ELOF1: variants seen among roughly 807,000 people sequenced by gnomAD.
ELOF1 encodes the protein elongation factor 1.
In ELOF1, 4 loss-of-function variants were observed where a neutral mutation model predicts 7.1. The ratio of observed to expected loss-of-function variants is 0.56; its 90% CI spans 0.28 to 1.29. The LOEUF (loss-of-function observed/expected upper bound fraction) is 1.29. Ranked by LOEUF, ELOF1 falls within the 50% of genes most tolerant of loss-of-function variation. The probability of loss-of-function intolerance (pLI) is 0.10; values close to 1 mark genes in which losing one functional copy is unlikely to be tolerated. For synonymous variants in ELOF1, 31 were observed against 31.9 expected, an observed-to-expected ratio of 0.97 and a Z score of 0.09; for missense variants, 59 against 86.3, an observed-to-expected ratio of 0.68 and a Z score of 1.25.
chr19:11,558,359 T>G (rs1392524028), intron 1 of ELOF1, among the ~76,000 whole-genome samples: 1 of 151,502 alleles, frequency 6.6e-6, no homozygotes, highest in East Asian at 2.0e-4. Flanking sequence ...CAAGAGATAC[T>G]CCCGCCTCGG....
chr19:11,556,423 C>T (rs1972835096), intron 1 of ELOF1, among the ~76,000 whole-genome samples: 1 of 151,424 alleles, frequency 6.6e-6, no homozygotes. Context: ...CCTCAGCCTC[C>T]CGAGTAGCTG....
chr19:11,553,995 A>G lies in ELOF1; in HGVS notation c.187+16T>C. On this transcript the variant is annotated intron_variant, in intron 3 of 3. Coordinates refer to ENST00000586683, the Ensembl canonical transcript of ELOF1. The stretch of plus-strand genomic sequence containing the variant: ...CCTCCCCACCCTCTGGAAAAAGCCC[A>G]GGTTTCCAAGGATACACGTTATGGG... The G allele has an allele frequency of 6.2e-7, 1 of 1,614,186 alleles. No homozygotes were observed. The highest frequency in any genetic ancestry group is 1.1e-5 in the South Asian group (1 of 91,092).
At position 11,554,403 on chromosome 19, in the gene ELOF1, C is replaced by T. The variant is rs780997765; in HGVS notation, c.-18-38G>A. On this transcript the variant is annotated intron_variant, in intron 1 of 3. Transcript: ENST00000586683. Reference sequence around the variant, plus strand: ...GCAGATGTCAGTGGTTTGAGGAAACCACGCAGCGCCCCAGCTCAATGCTCT... The same window carrying T: ...GCAGATGTCAGTGGTTTGAGGAAACTACGCAGCGCCCCAGCTCAATGCTCT... 4 of 1,597,674 alleles carry T rather than the reference C, an allele frequency of 2.5e-6. No homozygotes were observed. In the South Asian group the frequency reaches 4.5e-5, roughly 18 times the overall value.
At position 11,554,071 on chromosome 19, in the gene ELOF1, G is replaced by A. The variant is rs768454338; in HGVS notation, c.127C>T (p.Arg43Cys). The change falls in exon 3 of 4, where the codon CGC becomes TGC. Residue 43 changes from arginine (R) to cysteine (C), a missense_variant. Physicochemically the swap from Arg to Cys is radical, Grantham distance 180. Coordinates refer to ENST00000586683, the Ensembl canonical transcript of ELOF1. ...GTACAAGAGATGACTCCGGTGTTGC[G>A]GGCACGGTCCCTGAAACAGACCAAG... The A allele has an allele frequency of 1.7e-5, 27 of 1,614,064 alleles. No individual in the cohort carries two copies. In the Middle Eastern group the frequency reaches 4.9e-4, roughly 29 times the overall value.
At chr19:11,556,615 A>G (rs1599620642) in intron 1 of ELOF1, among the ~76,000 whole-genome samples, 1 of 152,132 alleles carries the variant, frequency 6.6e-6, no homozygotes, top group East Asian at 1.9e-4. Flanking sequence ...CCCAACTCTT[A>G]ACTGTGATGC....
intron 1 of ELOF1, chr19:11,555,191 A>T: frequency 4.1e-6 from 1 of 241,678 alleles, no homozygotes; most frequent in Non-Finnish European, 8.7e-6. Context: ...CAAGAGGCGG[A>T]GACTGCAGTG....
chr19:11,554,489 G>C (rs1055103749), intron 1 of ELOF1, 124 bp from the exon 2 acceptor site: 183 of 1,362,354 alleles, frequency 1.3e-4, no homozygotes, highest in Non-Finnish European at 1.7e-4. Flanking sequence ...CTCTGCCCTT[G>C]AGGGACGAGG....
chr19:11,554,010 C>T lies in ELOF1; in HGVS notation c.187+1G>A. ...GAAAAAGCCCAGGTTTCCAAGGATACACGTTATGGGCGTCTGGAATTCCTC... is the reference window on the plus strand; with the variant it reads ...GAAAAAGCCCAGGTTTCCAAGGATATACGTTATGGGCGTCTGGAATTCCTC... On this transcript the variant is annotated splice_donor_variant, in intron 3 of 3. Transcript: ENST00000586683. LOFTEE classifies it high-confidence loss of function. 1 of 1,614,196 alleles carries T rather than the reference C, an allele frequency of 6.2e-7. No homozygotes were observed. The highest frequency in any genetic ancestry group is 1.1e-5 in the South Asian group (1 of 91,084).
intron 3 of ELOF1, chr19:11,553,755 G>A: frequency 6.2e-7 from 1 of 1,614,208 alleles, no homozygotes; most frequent in African/African-American, 1.3e-5. Context: ...GCTACTGATT[G>A]GCCGCCTCGC....
intron 1 of ELOF1, among the ~76,000 whole-genome samples, chr19:11,556,035 G>C (rs974594170): frequency 6.6e-6 from 1 of 152,108 alleles, no homozygotes; most frequent in African/African-American, 2.4e-5. Flanking sequence ...GGGATATCTA[G>C]GAACAGATGT....
intron 1 of ELOF1, among the ~76,000 whole-genome samples, chr19:11,558,613 C>T (rs776249242): frequency 6.6e-6 from 1 of 151,776 alleles, no homozygotes; most frequent in Non-Finnish European, 1.5e-5. Flanking sequence ...AGTCTGTAGT[C>T]CCAGCTACTC....
chr19:11,556,164 A>AAC (rs151325849), intron 1 of ELOF1, among the ~76,000 whole-genome samples: 45 of 151,866 alleles, frequency 3.0e-4, no homozygotes, highest in African/African-American at 8.4e-4. Flanking sequence ...CGCCTCCTCC[A>AAC]ACACACACAC....
At position 11,554,369 on chromosome 19, in the gene ELOF1, T is replaced by C. The variant is rs1972794825; in HGVS notation, c.-18-4A>G. On this transcript the variant is annotated splice_region_variant and splice_polypyrimidine_tract_variant and intron_variant, in intron 1 of 3. Transcript: ENST00000586683. ...CCATGTCTGCAGGTGGATGAGCCTGTGGGGAGTGGCAGATGTCAGTGGTTT... is the reference window on the plus strand; with the variant it reads ...CCATGTCTGCAGGTGGATGAGCCTGCGGGGAGTGGCAGATGTCAGTGGTTT... 2 of 1,612,308 alleles carry C rather than the reference T, an allele frequency of 1.2e-6. No homozygotes were observed. Among genetic ancestry groups the C allele is most frequent in the East Asian group, 2.2e-5 (1 of 44,818 alleles).
intron 1 of ELOF1, among the ~76,000 whole-genome samples, chr19:11,557,341 A>T (rs1972847419): frequency 6.6e-6 from 1 of 152,154 alleles, no homozygotes; most frequent in Admixed American, 6.6e-5. Flanking sequence ...CACGTTTATA[A>T]TCCCAGCACT....
At chr19:11,553,740 G>C in intron 3 of ELOF1, 2 of 1,614,208 alleles carry the variant, frequency 1.2e-6, no homozygotes, top group Non-Finnish European at 1.7e-6. Flanking sequence ...CGGGTCCTCT[G>C]TGTCGCTACT....
intron 1 of ELOF1, among the ~76,000 whole-genome samples, chr19:11,556,336 G>A (rs1972833644): frequency 6.6e-6 from 1 of 151,136 alleles, no homozygotes; most frequent in South Asian, 2.1e-4. Context: ...GTCTTGCTCT[G>A]CCGCCCAGGC....
intron 3 of ELOF1, chr19:11,553,605 AC>A: frequency 1.5e-6 from 1 of 683,038 alleles, no homozygotes; most frequent in Non-Finnish European, 2.4e-6. Flanking sequence ...ACACACACAC[AC>A]ACACACACAC....
At chr19:11,558,009 C>A (rs1281753826) in intron 1 of ELOF1, among the ~76,000 whole-genome samples, 1 of 152,178 alleles carries the variant, frequency 6.6e-6, no homozygotes, top group African/African-American at 2.4e-5. Flanking sequence ...GAACTGCAGA[C>A]TCTGATCTAT....
intron 3 of ELOF1, chr19:11,553,640 A>G: frequency 1.7e-6 from 2 of 1,190,440 alleles, no homozygotes; most frequent in Non-Finnish European, 1.2e-6. Context: ...CACGGCTGTG[A>G]CAGCCCAGGA....
Sources: allele counts gnomAD v4.1 joint callset (sites outside exome capture counted in the v4.1 genomes callset), GRCh38; gene constraint gnomAD v4.1.1; transcripts MANE v1.5; gene names NCBI Gene and HGNC (gene_info 2026-07-23, HGNC 2026-07-21).